Variants in DDX4 observed in about 807,000 individuals in gnomAD.
DDX4 encodes the protein probable ATP-dependent RNA helicase DDX4.
Under a neutral mutation model 100.0 loss-of-function variants are expected in DDX4, and 25 were observed. The ratio of observed to expected loss-of-function variants is 0.25; its 90% CI spans 0.18 to 0.35. The LOEUF (loss-of-function observed/expected upper bound fraction) is 0.35, where lower values mean the gene tolerates loss of function less well. Ranked by LOEUF, DDX4 falls within the 10% of genes least tolerant of loss-of-function variation. The probability of loss-of-function intolerance (pLI) is 1.00; values close to 1 mark genes in which losing one functional copy is unlikely to be tolerated. For missense variants in DDX4, 635 were observed against 882.4 expected, an observed-to-expected ratio of 0.72 and a Z score of 3.55; for synonymous variants, 259 against 275.7, an observed-to-expected ratio of 0.94 and a Z score of 0.60.
rs779756501 is a variant in DDX4, at chr5:55,785,419, A to G, written c.674-28A>G. ...TACCTTTCAATTTTAAAAAACATGT[A>G]TCTCTTTTTTATTTGATCCTCTTCA... On this transcript the variant is annotated intron_variant, in intron 11 of 21. Transcript: ENST00000505374. The G allele has an allele frequency of 1.6e-5, 26 of 1,598,812 alleles. No homozygotes were observed. In the South Asian group the frequency reaches 2.1e-4, roughly 13 times the overall value.
chr5:55,813,753 T>C lies in DDX4; in HGVS notation c.1696T>C (p.Ser566Pro). The C allele has an allele frequency of 6.3e-7, 1 of 1,597,180 alleles. No homozygotes were observed. The highest frequency in any genetic ancestry group is 1.2e-5 in the South Asian group (1 of 86,274). ...AACTTTTCTTTGTCAAGAAAAAATA[T>C]CAACTACAAGTATTCATGGGTGAGT... Reference protein sequence around the residue: ...IATFLCQEKISTTSIHGDREQ... With the variant: ...IATFLCQEKIPTTSIHGDREQ... The change falls in exon 19 of 22, where the codon TCA becomes CCA. Residue 566 changes from serine to proline, a missense_variant. Ser to Pro is a moderately conservative substitution (Grantham distance 74, BLOSUM62 -1). Coordinates refer to ENST00000505374, the MANE Select transcript of DDX4 (RefSeq NM_024415.3).
chr5:55,760,295 T>C lies in DDX4; in HGVS notation c.205+18T>C, dbSNP rs773268296. ...AAACAGAGGTAAGCATCTTTGTCTTTCCTTAATCTCCTGAACTGTTGAATA... is the reference window on the plus strand; with the variant it reads ...AAACAGAGGTAAGCATCTTTGTCTTCCCTTAATCTCCTGAACTGTTGAATA... On this transcript the variant is annotated intron_variant, in intron 4 of 21. Coordinates refer to ENST00000505374, the MANE Select transcript of DDX4 (RefSeq NM_024415.3). 1.6e-5 allele frequency: 24 copies of C among 1,541,840 alleles called. No individual in the cohort carries two copies. Among genetic ancestry groups the C allele is most frequent in the Non-Finnish European group, 1.9e-5 (22 of 1,153,902 alleles).
intron 7 of DDX4, 136 bp from the exon 8 acceptor site, chr5:55,779,828 T>C (rs2111969499): frequency 2.2e-6 from 3 of 1,339,554 alleles, no homozygotes; most frequent in African/African-American, 2.9e-5. Flanking sequence ...AAATGTCATT[T>C]CTTTTTGACA....
chr5:55,749,292 C>T (rs574309946), intron 3 of DDX4, among the ~76,000 whole-genome samples: 7 of 152,096 alleles, frequency 4.6e-5, no homozygotes, highest in African/African-American at 1.2e-4. Context: ...ATTAGCTGGG[C>T]GTGGTGATGT....
chr5:55,752,295 C>G (rs1759611228), intron 3 of DDX4, among the ~76,000 whole-genome samples: 1 of 148,486 alleles, frequency 6.7e-6, no homozygotes, highest in Admixed American at 6.7e-5. Flanking sequence ...AACTCGTCAT[C>G]TAGCATTAGG....
chr5:55,757,943 G>A (rs574330929), intron 3 of DDX4, among the ~76,000 whole-genome samples: 2 of 152,156 alleles, frequency 1.3e-5, no homozygotes, highest in Non-Finnish European at 2.9e-5. Context: ...TACTCAGGAG[G>A]CTGAGGCAGG....
intron 16 of DDX4, among the ~76,000 whole-genome samples, chr5:55,792,123 CAAAA>C (rs35635463): frequency 6.7e-4 from 35 of 52,058 alleles, no homozygotes; most frequent in African/African-American, 1.4e-3. Flanking sequence ...GACTCCTTCT[CAAAA>C]AAAAAAAAAA....
intron 1 of DDX4, among the ~76,000 whole-genome samples, chr5:55,738,500 T>TG (rs560493345): frequency 0.18 from 26,912 of 148,898 alleles, 3,117 homozygotes; most frequent in Admixed American, 0.31. Flanking sequence ...CCCGTACCCC[T>TG]GTCCCCGCCC....
chr5:55,788,846 G>A (rs1325719819), intron 15 of DDX4, among the ~76,000 whole-genome samples: 1 of 152,072 alleles, frequency 6.6e-6, no homozygotes, highest in Non-Finnish European at 1.5e-5. Context: ...TGGGCAGATA[G>A]CTTGAGCCCA....
At chr5:55,784,196 C>T (rs900244320) in intron 10 of DDX4, among the ~76,000 whole-genome samples, 7 of 152,092 alleles carry the variant, frequency 4.6e-5, no homozygotes, top group East Asian at 1.9e-4. Context: ...CTTGGTGGGG[C>T]GGAGTCAGGG....
rs1356758880 is a variant in DDX4 at position 55,786,560 on chromosome 5, A to G, written c.907A>G (p.Ile303Val). Residue 303 changes from isoleucine to valine, a missense_variant, in exon 14 of 22, where the codon ATT becomes GTT. Around this residue, in one of 4 missense-constraint regions of DDX4, gnomAD observed 446 missense variants for 540.8 expected, o/e 0.82. Coordinates refer to ENST00000505374, the MANE Select transcript of DDX4 (RefSeq NM_024415.3). ...TCTCTGTCAGACACTGAATAACAAC[A>G]TTGCTAAAGCTGGTTATACTAAGCT... ...ANLCQTLNNN[I>V]AKAGYTKLTP... is the part of the protein sequence containing the mutation. 9 of 1,613,186 alleles carry G rather than the reference A, an allele frequency of 5.6e-6. No individual in the cohort carries two copies. In the African/African-American group the frequency reaches 1.1e-4, roughly 19 times the overall value.
intron 18 of DDX4, among the ~76,000 whole-genome samples, chr5:55,808,951 C>T (rs563030929): frequency 1.6e-4 from 24 of 152,346 alleles, no homozygotes; most frequent in East Asian, 3.9e-4. Flanking sequence ...CCCTGAGATG[C>T]GGTGGGCTCC....
chr5:55,799,225 G>A (rs1185547909), intron 18 of DDX4, among the ~76,000 whole-genome samples: 1 of 152,032 alleles, frequency 6.6e-6, no homozygotes, highest in Non-Finnish European at 1.5e-5. Flanking sequence ...GCGCTACCAT[G>A]CCTAGCTAAT....
At chr5:55,781,911 T>C in intron 9 of DDX4, 23 bp from the exon 10 acceptor site, 1 of 1,613,582 alleles carries the variant, frequency 6.2e-7, no homozygotes. Flanking sequence ...TATCTAAATA[T>C]GTTGTGAAAC....
At chr5:55,801,637 A>G (rs1743315695) in intron 18 of DDX4, among the ~76,000 whole-genome samples, 1 of 152,138 alleles carries the variant, frequency 6.6e-6, no homozygotes, top group Admixed American at 6.6e-5. Flanking sequence ...CTTGATGACA[A>G]GAAGTTTGGT....
chr5:55,770,797 A>G (rs1227950578), intron 7 of DDX4, among the ~76,000 whole-genome samples: 1 of 152,184 alleles, frequency 6.6e-6, no homozygotes, highest in Non-Finnish European at 1.5e-5. Flanking sequence ...AGAAAAAACA[A>G]GACTCATCTT....
At position 55,814,958 on chromosome 5, in the gene DDX4, C is replaced by T. The variant is rs61755358; in HGVS notation, c.1773C>T (p.Cys591=). ...QALGDFRFGK[C]PVLVATSVAA... ...TTGGAGATTTTCGCTTTGGAAAGTG[C>T]CCAGTTCTTGTTGCTACTTCAGTAG... The change falls in exon 20 of 22, where the codon TGC becomes TGT. Residue 591 remains cysteine, a synonymous_variant. Coordinates refer to ENST00000505374, the MANE Select transcript of DDX4 (RefSeq NM_024415.3). The T allele has an allele frequency of 6.2e-7, 1 of 1,614,122 alleles. No individual in the cohort carries two copies. The highest frequency in any genetic ancestry group is 8.5e-7 in the Non-Finnish European group (1 of 1,179,978).
At chr5:55,765,413 A>AAAATATATAT (rs1392558099) in intron 6 of DDX4, among the ~76,000 whole-genome samples, 9 of 82,998 alleles carry the variant, frequency 1.1e-4, no homozygotes, top group South Asian at 3.9e-4. Context: ...AAAAAAAAAA[A>AAAATATATAT]ATATATATAT....
At chr5:55,783,453 C>T (rs962827551) in intron 10 of DDX4, among the ~76,000 whole-genome samples, 1 of 152,010 alleles carries the variant, frequency 6.6e-6, no homozygotes. Context: ...AGTGGAACAA[C>T]AGATTACTCG....
Sources: gnomAD v4.1 joint callset for allele counts (sites outside exome capture counted in the v4.1 genomes callset) on GRCh38, gnomAD v4.1.1 for gene constraint, gnomAD v4.1.1 regional missense constraint, MANE v1.5 for transcripts, NCBI Gene and HGNC (gene_info 2026-07-23, HGNC 2026-07-21) for gene names.